Variants in ERBB4 observed in about 807,000 individuals in gnomAD.
ERBB4 encodes receptor tyrosine-protein kinase erbB-4.
A neutral mutation model predicts 158.0 loss-of-function variants in ERBB4; 42 were observed. That is an observed-to-expected ratio of 0.27 (90% CI 0.21 to 0.34). The LOEUF (loss-of-function observed/expected upper bound fraction) is 0.34. Ranked by LOEUF, ERBB4 falls within the 10% of genes least tolerant of loss-of-function variation. The pLI is 1.00. For missense variants in ERBB4, 1,333 were observed against 1,624.1 expected (o/e 0.82, Z 3.08); for synonymous variants, 583 against 558.7 (o/e 1.04, Z -0.61).
chr2:211,451,487 A>G (rs1395586760), intron 20 of ERBB4, among the ~76,000 whole-genome samples: 2 of 152,214 alleles, frequency 1.3e-5, no homozygotes, highest in Admixed American at 1.3e-4. Flanking sequence ...GAAATATTAT[A>G]TAAGGATTGA....
intron 20 of ERBB4, among the ~76,000 whole-genome samples, chr2:211,455,531 G>C (rs1183367216): frequency 6.6e-6 from 1 of 152,144 alleles, no homozygotes; most frequent in Non-Finnish European, 1.5e-5. Context: ...AGCTTCAAAT[G>C]TCTATATGCT....
chr2:211,603,861 G>A (rs1179693359), intron 19 of ERBB4, among the ~76,000 whole-genome samples: 2 of 152,198 alleles, frequency 1.3e-5, no homozygotes, highest in African/African-American at 4.8e-5. Context: ...GATGCTTACA[G>A]TGTTAAATTT....
intron 20 of ERBB4, among the ~76,000 whole-genome samples, chr2:211,451,125 T>A (rs1381753913): frequency 6.6e-6 from 1 of 152,046 alleles, no homozygotes; most frequent in Non-Finnish European, 1.5e-5. Context: ...AAAACTGAGA[T>A]GACAAAGTTA....
chr2:211,378,803 C>G lies in ERBB4; in HGVS notation c.*4812G>C, dbSNP rs759795147. ...GGCAAGGCTGTCCTTCAAACTGATA[C>G]ACACCGAAGTCCATGTACACAAACA... On this transcript the variant is annotated 3_prime_UTR_variant, in exon 28 of 28. Coordinates refer to ENST00000342788, the MANE Select transcript of ERBB4 (RefSeq NM_005235.3). 10 of 232,526 alleles carry G rather than the reference C, an allele frequency of 4.3e-5. No individual in the cohort carries two copies. Among genetic ancestry groups the G allele is most frequent in the Non-Finnish European group, 7.7e-5 (9 of 117,562 alleles). The allele number at this position is 232,526 out of a possible 1,614,324, so 14.4% of individuals were successfully genotyped here.
At chr2:212,006,246 A>G (rs938655452) in intron 2 of ERBB4, among the ~76,000 whole-genome samples, 3 of 152,154 alleles carry the variant, frequency 2.0e-5, no homozygotes, top group African/African-American at 7.2e-5. Flanking sequence ...TTGAAAATAA[A>G]TATTTCAATA....
chr2:212,490,741 C>A (rs928971053), intron 1 of ERBB4, among the ~76,000 whole-genome samples: 1 of 151,720 alleles, frequency 6.6e-6, no homozygotes, highest in Non-Finnish European at 1.5e-5. Flanking sequence ...TCAAGATTTT[C>A]ATGTAAAATC....
At chr2:211,856,562 T>A (rs76173429) in intron 3 of ERBB4, among the ~76,000 whole-genome samples, 59,270 of 149,614 alleles carry the variant, frequency 0.4, 11,928 homozygotes, top group Middle Eastern at 0.47. Flanking sequence ...ATTTTTTTTT[T>A]ATTTTCAGTA....
chr2:212,049,927 C>T (rs2077355427), intron 2 of ERBB4, among the ~76,000 whole-genome samples: 1 of 151,988 alleles, frequency 6.6e-6, no homozygotes, highest in Non-Finnish European at 1.5e-5. Flanking sequence ...AATGACCCAT[C>T]AATAGAAAAT....
At chr2:211,953,124 G>T (rs1050194245) in intron 2 of ERBB4, among the ~76,000 whole-genome samples, 1 of 151,984 alleles carries the variant, frequency 6.6e-6, no homozygotes, top group Admixed American at 6.6e-5. Context: ...GGTCTTTTTA[G>T]ATATCGTTTT....
chr2:211,610,102 T>TA (rs762082455), intron 19 of ERBB4, among the ~76,000 whole-genome samples: 85 of 149,302 alleles, frequency 5.7e-4, no homozygotes, highest in Non-Finnish European at 1.0e-3. Context: ...TCATTAAACT[T>TA]AAAAAAAAAA....
At chr2:212,007,673 T>C (rs957008259) in intron 2 of ERBB4, among the ~76,000 whole-genome samples, 1 of 151,916 alleles carries the variant, frequency 6.6e-6, no homozygotes, top group African/African-American at 2.4e-5. Context: ...TCATAACTTA[T>C]ATTTATCTAA....
At chr2:212,373,315 G>C (rs2090150515) in intron 1 of ERBB4, among the ~76,000 whole-genome samples, 1 of 152,096 alleles carries the variant, frequency 6.6e-6, no homozygotes, top group South Asian at 2.1e-4. Context: ...AGTTGCAACT[G>C]ATTTGTGAGG....
chr2:211,944,206 A>ATATATAG (rs1559155343), intron 3 of ERBB4, among the ~76,000 whole-genome samples: 2,560 of 103,886 alleles, frequency 0.025, 162 homozygotes, highest in African/African-American at 0.074. Flanking sequence ...TATACTATAT[A>ATATATAG]TATATATACA....
chr2:211,926,105 C>G (rs1197726142), intron 3 of ERBB4, among the ~76,000 whole-genome samples: 1 of 152,094 alleles, frequency 6.6e-6, no homozygotes, highest in African/African-American at 2.4e-5. Flanking sequence ...AGGAATGTCT[C>G]GGAGCCACGT....
At chr2:211,855,855 T>C (rs2106050306) in intron 3 of ERBB4, among the ~76,000 whole-genome samples, 1 of 152,210 alleles carries the variant, frequency 6.6e-6, no homozygotes, top group East Asian at 1.9e-4. Context: ...GGTGTAAAGA[T>C]TAAAAAGGAA....
chr2:211,631,479 A>G (rs1205939883), intron 16 of ERBB4, among the ~76,000 whole-genome samples: 1 of 152,234 alleles, frequency 6.6e-6, no homozygotes. Flanking sequence ...GAAGCATTAC[A>G]TAAAAAGTGG....
chr2:212,061,737 C>CTT (rs71054164), intron 2 of ERBB4, among the ~76,000 whole-genome samples: 11 of 134,050 alleles, frequency 8.2e-5, no homozygotes, highest in South Asian at 2.4e-4. Flanking sequence ...TTTTTCTTTT[C>CTT]TTTTTTTTTT....
At chr2:211,934,719 T>C (rs2080265471) in intron 3 of ERBB4, among the ~76,000 whole-genome samples, 1 of 151,906 alleles carries the variant, frequency 6.6e-6, no homozygotes, top group African/African-American at 2.4e-5. Context: ...GGCTATGAAG[T>C]CCGTGCCCAA....
chr2:211,800,267 A>T (rs1380710126), intron 3 of ERBB4, among the ~76,000 whole-genome samples: 1 of 152,160 alleles, frequency 6.6e-6, no homozygotes, highest in Non-Finnish European at 1.5e-5. Flanking sequence ...ATAATGCAGT[A>T]TTTCTCTTAA....
Sources: gnomAD v4.1 joint callset for allele counts (sites outside exome capture counted in the v4.1 genomes callset) on GRCh38, gnomAD v4.1.1 for gene constraint, MANE v1.5 for transcripts, NCBI Gene and HGNC (gene_info 2026-07-23, HGNC 2026-07-21) for gene names.